Variants in ZEB1 observed in about 807,000 individuals in gnomAD.
ZEB1 encodes zinc finger E-box-binding homeobox 1.
A neutral mutation model predicts 84.9 loss-of-function variants in ZEB1; 21 were observed. The observed-to-expected ratio is 0.25, with a 90% confidence interval of 0.18 to 0.36. ZEB1 has a LOEUF of 0.36. Ranked by LOEUF, ZEB1 falls within the 10% of genes least tolerant of loss-of-function variation. ZEB1 has a pLI of 1.00. For missense variants in ZEB1, 1,104 were observed against 1,330.2 expected (o/e 0.83, Z 2.65); for synonymous variants, 420 against 471.1 (o/e 0.89, Z 1.41).
chr10:31,455,309 C>T (rs1464188595), intron 1 of ZEB1, among the ~76,000 whole-genome samples: 1 of 152,100 alleles, frequency 6.6e-6, no homozygotes, highest in Non-Finnish European at 1.5e-5. Context: ...CCATGAAAAC[C>T]CTAGAAGAAA....
At chr10:31,430,949 A>G (rs1303345496) in intron 1 of ZEB1, among the ~76,000 whole-genome samples, 2 of 152,348 alleles carry the variant, frequency 1.3e-5, no homozygotes, top group Non-Finnish European at 2.9e-5. Context: ...CTTACAGTAT[A>G]CAGTCTTTTT....
chr10:31,434,156 A>T (rs2058038985), intron 1 of ZEB1, among the ~76,000 whole-genome samples: 1 of 152,176 alleles, frequency 6.6e-6, no homozygotes, highest in African/African-American at 2.4e-5. Context: ...ATTTTGCATA[A>T]GTTATTTTTG....
At chr10:31,432,809 T>C (rs1355373789) in intron 1 of ZEB1, among the ~76,000 whole-genome samples, 1 of 152,216 alleles carries the variant, frequency 6.6e-6, no homozygotes, top group Non-Finnish European at 1.5e-5. Flanking sequence ...TTACTACATG[T>C]TAACATAAAA....
chr10:31,337,653 A>G (rs1228091527), intron 1 of ZEB1, among the ~76,000 whole-genome samples: 2 of 147,654 alleles, frequency 1.4e-5, no homozygotes, highest in African/African-American at 2.5e-5. Flanking sequence ...TGTATTTAAT[A>G]TAGCAGATAA....
intron 1 of ZEB1, among the ~76,000 whole-genome samples, chr10:31,449,054 C>T (rs1361733359): frequency 3.3e-5 from 5 of 152,248 alleles, no homozygotes; most frequent in Non-Finnish European, 7.3e-5. Flanking sequence ...GCTGTGCTAG[C>T]AACCAGCGAG....
At chr10:31,419,033 A>G (rs771337605) in intron 1 of ZEB1, among the ~76,000 whole-genome samples, 5 of 152,142 alleles carry the variant, frequency 3.3e-5, no homozygotes, top group Admixed American at 2.6e-4. Flanking sequence ...TAGTACTAGT[A>G]ATGTTTCTCT....
intron 1 of ZEB1, among the ~76,000 whole-genome samples, chr10:31,323,552 T>C (rs546505085): frequency 7.6e-4 from 115 of 152,206 alleles, no homozygotes; most frequent in African/African-American, 2.7e-3. Context: ...TAAGAATCAG[T>C]GAGTGCATAC....
chr10:31,401,083 G>A (rs961941515), intron 1 of ZEB1, among the ~76,000 whole-genome samples: 1 of 151,992 alleles, frequency 6.6e-6, no homozygotes, highest in African/African-American at 2.4e-5. Flanking sequence ...TGATATATTT[G>A]TGCATATAAC....
chr10:31,461,567 A>G (rs1375913650), intron 2 of ZEB1, among the ~76,000 whole-genome samples: 1 of 152,188 alleles, frequency 6.6e-6, no homozygotes, highest in Non-Finnish European at 1.5e-5. Flanking sequence ...ACCAATAAAT[A>G]TCATATAGAT....
intron 1 of ZEB1, among the ~76,000 whole-genome samples, chr10:31,338,283 G>T (rs2038622812): frequency 6.6e-6 from 1 of 151,896 alleles, no homozygotes; most frequent in Admixed American, 6.6e-5. Flanking sequence ...TTTGTATCAG[G>T]CACTATTCTC....
intron 1 of ZEB1, among the ~76,000 whole-genome samples, chr10:31,399,140 G>A (rs367588013): frequency 3.9e-5 from 6 of 152,016 alleles, no homozygotes; most frequent in East Asian, 3.9e-4. Context: ...GATTACAGGC[G>A]TGTGCCAGCA....
intron 1 of ZEB1, chr10:31,358,005 G>C (rs2042386103): frequency 6.6e-6 from 1 of 152,106 alleles, no homozygotes; most frequent in African/African-American, 2.4e-5. Flanking sequence ...TTTTCTCTGA[G>C]AAGTCCTTAT....
rs1296056912 is a variant in ZEB1, at chr10:31,322,844, A to G, written c.58+3552A>G. ...AATAGAAGGTACATATCCTTCTGTC[A>G]TCAGCACCATTTCCCCTTGCTGTCA... On this transcript the variant is annotated intron_variant, in intron 1 of 8. Coordinates refer to ENST00000424869, the MANE Select transcript of ZEB1 (RefSeq NM_001174096.2). Among the ~76,000 whole-genome samples, 6 of 151,896 alleles carry G rather than the reference A, an allele frequency of 4.0e-5. No individual in the cohort carries two copies. In the East Asian group the frequency reaches 1.2e-3, roughly 29 times the overall value.
chr10:31,358,433 T>C (rs1215716892), intron 1 of ZEB1: 1 of 152,178 alleles, frequency 6.6e-6, no homozygotes, highest in Non-Finnish European at 1.5e-5. Flanking sequence ...TGAAGAATTT[T>C]TTTTTCCCAA....
intron 1 of ZEB1, chr10:31,387,683 A>G (rs1236796934): frequency 2.2e-6 from 2 of 896,946 alleles, no homozygotes; most frequent in Non-Finnish European, 1.3e-6. Context: ...ATTACTTTTC[A>G]TGATCTTTTT....
intron 2 of ZEB1, among the ~76,000 whole-genome samples, chr10:31,489,237 T>A (rs1011968257): frequency 6.6e-6 from 1 of 151,440 alleles, no homozygotes; most frequent in African/African-American, 2.4e-5. Context: ...TCTCTGATAA[T>A]TTTCTTATCA....
chr10:31,441,528 A>G (rs1321113035), intron 1 of ZEB1, among the ~76,000 whole-genome samples: 2 of 152,230 alleles, frequency 1.3e-5, no homozygotes, highest in Non-Finnish European at 2.9e-5. Flanking sequence ...CAGCAAAAGC[A>G]ATGGCAACAA....
chr10:31,377,410 T>TA (rs1424931487), intron 1 of ZEB1, among the ~76,000 whole-genome samples: 1 of 151,756 alleles, frequency 6.6e-6, no homozygotes, highest in Non-Finnish European at 1.5e-5. Context: ...ATGAACCTGT[T>TA]ACAATTATGA....
intron 1 of ZEB1, among the ~76,000 whole-genome samples, chr10:31,452,920 C>T (rs1348995007): frequency 6.6e-6 from 1 of 152,020 alleles, no homozygotes; most frequent in African/African-American, 2.4e-5. Context: ...TATTCTTATA[C>T]TTAATATGAG....
Sources: allele counts gnomAD v4.1 joint callset (sites outside exome capture counted in the v4.1 genomes callset), GRCh38; gene constraint gnomAD v4.1.1; transcripts MANE v1.5; gene names NCBI Gene and HGNC (gene_info 2026-07-23, HGNC 2026-07-21).